Variants in ZDHHC21 observed in about 807,000 individuals in gnomAD.
ZDHHC21 encodes palmitoyltransferase ZDHHC21.
Under a neutral mutation model 34.6 loss-of-function variants are expected in ZDHHC21, and 15 were observed. That is an observed-to-expected ratio of 0.43 (90% CI 0.29 to 0.67). The LOEUF (loss-of-function observed/expected upper bound fraction) is 0.67. Among genes scored for constraint, ZDHHC21 ranks in the 30% least tolerant of loss-of-function variants. The pLI, the probability that ZDHHC21 is intolerant of heterozygous loss-of-function variation, is 0.14. For synonymous variants in ZDHHC21, 142 were observed against 101.8 expected (o/e 1.40, Z -2.38); for missense variants, 344 against 327.7 (o/e 1.05, Z -0.38).
chr9:14,641,544 C>T (rs556295737), intron 7 of ZDHHC21, among the ~76,000 whole-genome samples: 1 of 152,174 alleles, frequency 6.6e-6, no homozygotes, highest in South Asian at 2.1e-4. Context: ...AAAAATTGTA[C>T]CCAGATGAAC....
downstream of ZDHHC21, among the ~76,000 whole-genome samples, chr9:14,607,357 T>C (rs530114032): frequency 5.3e-5 from 8 of 152,222 alleles, no homozygotes; most frequent in East Asian, 9.7e-4. Flanking sequence ...TGAGCTGAGA[T>C]TGTGCCACTG....
At chr9:14,677,866 A>G in intron 3 of ZDHHC21, among the ~76,000 whole-genome samples, 1 of 152,152 alleles carries the variant, frequency 6.6e-6, no homozygotes, top group Admixed American at 6.6e-5. Flanking sequence ...CAAGAAGAAT[A>G]TTCAAGTCAC....
At chr9:14,589,457 G>T in the ZDHHC21 span, 2 of 152,118 alleles carry the variant, frequency 1.3e-5, no homozygotes, top group Non-Finnish European at 2.9e-5. Context: ...AATCCAAGCA[G>T]AGTAGTAGTT....
rs570695453 is a variant in ZDHHC21 at position 14,652,720 on chromosome 9, G to A, written c.504+6029C>T. 4.5e-4 allele frequency among the ~76,000 whole-genome samples: 69 copies of A among 152,064 alleles called. 1 individual carries two copies. Among genetic ancestry groups the A allele is most frequent in the African/African-American group, 1.7e-3 (69 of 41,542 alleles). Reference sequence around the variant, plus strand: ...TTTCTCTCAACTGTCTTTACCATGAGCATAACATACAACGTACCAGTTTTC... The same window carrying A: ...TTTCTCTCAACTGTCTTTACCATGAACATAACATACAACGTACCAGTTTTC... On this transcript the variant is annotated intron_variant, in intron 7 of 9. Coordinates refer to ENST00000380916, the MANE Select transcript of ZDHHC21 (RefSeq NM_178566.6).
intron 7 of ZDHHC21, among the ~76,000 whole-genome samples, chr9:14,646,688 C>T (rs139174713): frequency 6.2e-4 from 94 of 152,252 alleles, no homozygotes; most frequent in African/African-American, 2.0e-3. Context: ...CCCCAGACAA[C>T]CACAAGCATA....
the ZDHHC21 span, among the ~76,000 whole-genome samples, chr9:14,601,588 C>T: frequency 7.2e-5 from 11 of 152,188 alleles, no homozygotes; most frequent in Admixed American, 4.6e-4. Context: ...GACAGTGTGG[C>T]AATTCCTCAA....
chr9:14,622,398 T>C (rs1465749896), intron 8 of ZDHHC21: 2 of 274,366 alleles, frequency 7.3e-6, no homozygotes, highest in Non-Finnish European at 1.1e-5. Flanking sequence ...AGTAAAATTA[T>C]ACCTGGAATG....
intron 8 of ZDHHC21, among the ~76,000 whole-genome samples, chr9:14,632,630 G>C (rs1191836373): frequency 1.7e-4 from 2 of 11,994 alleles, no homozygotes; most frequent in African/African-American, 1.7e-3. Flanking sequence ...GTGCTTCAAA[G>C]ACACTGTTAA....
At chr9:14,602,647 T>C in the ZDHHC21 span, among the ~76,000 whole-genome samples, 1 of 152,022 alleles carries the variant, frequency 6.6e-6, no homozygotes, top group Non-Finnish European at 1.5e-5. Context: ...GATTTGTCAG[T>C]AGAAAATTTA....
At chr9:14,595,693 G>C in the ZDHHC21 span, among the ~76,000 whole-genome samples, 6 of 152,090 alleles carry the variant, frequency 3.9e-5, no homozygotes, top group African/African-American at 1.4e-4. Flanking sequence ...AAACTCTTTT[G>C]ACTCAGTAAG....
chr9:14,603,767 T>A, the ZDHHC21 span, among the ~76,000 whole-genome samples: 1 of 152,136 alleles, frequency 6.6e-6, no homozygotes, highest in Non-Finnish European at 1.5e-5. Context: ...CGCTGCTCTT[T>A]ATTAAGAAAC....
intron 8 of ZDHHC21, chr9:14,622,722 C>A: frequency 1.0e-6 from 1 of 985,102 alleles, no homozygotes. Flanking sequence ...AATAAACAAT[C>A]TGTTATATGA....
chr9:14,653,413 AC>A (rs1486986854), intron 7 of ZDHHC21, among the ~76,000 whole-genome samples: 3 of 152,186 alleles, frequency 2.0e-5, no homozygotes, highest in African/African-American at 7.2e-5. Flanking sequence ...TATGAAAAAC[AC>A]AGTAAATGTA....
At chr9:14,652,041 G>A (rs564181364) in intron 7 of ZDHHC21, among the ~76,000 whole-genome samples, 22 of 151,964 alleles carry the variant, frequency 1.4e-4, no homozygotes, top group Admixed American at 4.6e-4. Context: ...TGCAAATGAT[G>A]CAAACTAATT....
At chr9:14,633,252 C>T (rs975393418) in intron 8 of ZDHHC21, among the ~76,000 whole-genome samples, 8 of 152,108 alleles carry the variant, frequency 5.3e-5, no homozygotes, top group African/African-American at 1.9e-4. Flanking sequence ...GAAACACCAT[C>T]CTAAAGCAAG....
intron 7 of ZDHHC21, among the ~76,000 whole-genome samples, chr9:14,645,709 T>C (rs1209594357): frequency 6.6e-6 from 1 of 151,890 alleles, no homozygotes; most frequent in East Asian, 1.9e-4. Flanking sequence ...AAAGGACTAA[T>C]CTAAAACGCC....
intron 4 of ZDHHC21, among the ~76,000 whole-genome samples, chr9:14,673,626 A>AT (rs1835861007): frequency 2.0e-5 from 3 of 151,858 alleles, no homozygotes; most frequent in Admixed American, 6.6e-5. Context: ...ATATATATAT[A>AT]AAATTTCCCA....
intron 4 of ZDHHC21, among the ~76,000 whole-genome samples, chr9:14,673,354 G>C (rs953735005): frequency 1.6e-4 from 24 of 152,032 alleles, no homozygotes; most frequent in Admixed American, 7.2e-4. Flanking sequence ...AATTAGTGAT[G>C]TTCAACTGTC....
In ZDHHC21 at chr9:14,633,626, T is replaced by C. The variant is rs375573121; in HGVS notation, c.621+6270A>G. Among the ~76,000 whole-genome samples, 6 of 152,158 alleles carry C rather than the reference T, an allele frequency of 3.9e-5. No homozygotes were observed. The South Asian group carries it at 6.2e-4, about 16-fold the overall frequency. On this transcript the variant is annotated intron_variant, in intron 8 of 9. Transcript: ENST00000380916. ...CCACATTTCTGGAGCCCCACTGATA[T>C]TCCCTGCCCACAGCCACTGCTGCAG...
Sources: allele counts gnomAD v4.1 joint callset (sites outside exome capture counted in the v4.1 genomes callset), GRCh38; gene constraint gnomAD v4.1.1; transcripts MANE v1.5; gene names NCBI Gene and HGNC (gene_info 2026-07-23, HGNC 2026-07-21).